ZNF512B: variants seen among roughly 807,000 people sequenced by gnomAD.
ZNF512B encodes zinc finger protein 512B.
Under a neutral mutation model 87.8 loss-of-function variants are expected in ZNF512B, and 22 were observed. The ratio of observed to expected loss-of-function variants is 0.25; its 90% CI spans 0.18 to 0.36. The LOEUF (loss-of-function observed/expected upper bound fraction) is 0.36, where lower values mean the gene tolerates loss of function less well. ZNF512B is among the 10% of genes least tolerant of loss of function. The pLI is 1.00. For synonymous variants in ZNF512B, 524 were observed against 490.9 expected (o/e 1.07, Z -0.89); for missense variants, 1,060 against 1,231.6 (o/e 0.86, Z 2.09).
At position 63,961,495 on chromosome 20, in the gene ZNF512B, A is replaced by C; in HGVS notation, c.2329-88T>G. On this transcript the variant is annotated intron_variant, in intron 15 of 16. Coordinates refer to ENST00000369888, the MANE Select transcript of ZNF512B (RefSeq NM_020713.3). The surrounding 1 kb of genome is among the most constrained non-coding windows in gnomAD (Gnocchi z 6.4). Reference sequence around the variant, plus strand: ...TACTCATGGCTAAAGGGTCAGAGTCAGCGGTGGCCCAAGGAAAGCTGTGGC... The same window carrying C: ...TACTCATGGCTAAAGGGTCAGAGTCCGCGGTGGCCCAAGGAAAGCTGTGGC... The C allele has an allele frequency of 7.8e-7, 1 of 1,280,486 alleles. No homozygotes were observed. The highest frequency in any genetic ancestry group is 1.1e-6 in the Non-Finnish European group (1 of 896,260). 79.3% of individuals were successfully genotyped at this position (1,280,486 alleles called of 1,614,324 possible).
At position 63,959,913 on chromosome 20, in the gene ZNF512B, C is replaced by T; in HGVS notation, c.2654G>A (p.Gly885Glu). 2 of 1,600,534 alleles carry T rather than the reference C, an allele frequency of 1.2e-6. No homozygotes were observed. Among genetic ancestry groups the T allele is most frequent in the Non-Finnish European group, 1.7e-6 (2 of 1,176,176 alleles). The change falls in exon 17 of 17, where the codon GGA becomes GAA. Residue 885 changes from glycine to glutamate, a missense_variant. Around this residue, in one of 9 missense-constraint regions of ZNF512B, gnomAD observed 253 missense variants for 259.2 expected, o/e 0.98. Coordinates refer to ENST00000369888, the MANE Select transcript of ZNF512B (RefSeq NM_020713.3). ...GARGSTGRKV[G>E]VSKAPEK ...TCACTTTTCAGGCGCCTTGCTGACT[C>T]CCACCTTCCGGCCGGTGGAGCCCCG...
intron 2 of ZNF512B, 85 bp downstream of exon 2, chr20:63,967,745 G>A (rs2058942751): frequency 6.4e-6 from 10 of 1,555,756 alleles, no homozygotes; most frequent in Non-Finnish European, 7.0e-6. Flanking sequence ...GGTACCTGGA[G>A]ACAGGACGCC....
chr20:63,962,078 A>AAAGAGCCTCAGAGATCCCCT, intron 14 of ZNF512B, 74 bp from the exon 15 acceptor site: 1 of 1,501,274 alleles, frequency 6.7e-7, no homozygotes, highest in Non-Finnish European at 9.1e-7. Flanking sequence ...GCCCTACCCC[A>AAAGAGCCTCAGAGATCCCCT]GGGGATCTCT....
chr20:63,957,682 G>C lies in ZNF512B; in HGVS notation c.*2206C>G, dbSNP rs1203692552. ...GGAAACTCACCCCCAGCAAAAACCAGACCCTCTTCTCTTCTCCCCAAGGGC... is the reference window on the plus strand; with the variant it reads ...GGAAACTCACCCCCAGCAAAAACCACACCCTCTTCTCTTCTCCCCAAGGGC... On this transcript the variant is annotated 3_prime_UTR_variant, in exon 17 of 17. Coordinates refer to ENST00000369888, the MANE Select transcript of ZNF512B (RefSeq NM_020713.3). 1 of 152,730 alleles carries C rather than the reference G, an allele frequency of 6.5e-6. No homozygotes were observed. The highest frequency in any genetic ancestry group is 1.5e-5 in the Non-Finnish European group (1 of 68,274). 9.5% of individuals were successfully genotyped at this position (152,730 alleles called of 1,614,324 possible).
In ZNF512B at chr20:63,967,397, G is replaced by A. The variant is rs555700576; in HGVS notation, c.248C>T (p.Ala83Val). 1.3e-5 allele frequency: 21 copies of A among 1,610,324 alleles called. No homozygotes were observed. Among genetic ancestry groups the A allele is most frequent in the Non-Finnish European group, 1.7e-5 (20 of 1,177,836 alleles). ...KKGRPKAENQ[A>V]LRDIPLSLMN... ...GGAGCTCACAGGAATGTCTCGGAGGGCCTGGTTCTCGGCTTTTGGCCGCCC... is the reference window on the plus strand; with the variant it reads ...GGAGCTCACAGGAATGTCTCGGAGGACCTGGTTCTCGGCTTTTGGCCGCCC... Residue 83 changes from alanine to valine, a missense_variant, in exon 3 of 17, where the codon GCC becomes GTC. By Grantham distance (64) the Ala-to-Val change is moderately conservative (BLOSUM62 0). Transcript: ENST00000369888.
At chr20:63,966,057 ACC>A in intron 5 of ZNF512B, 82 bp downstream of exon 5, 1 of 590,142 alleles carries the variant, frequency 1.7e-6, no homozygotes, top group Non-Finnish European at 2.3e-6. Context: ...ACCTTTTCTT[ACC>A]ACTGTTCCTC....
rs368804034 is a variant in ZNF512B at position 63,961,597 on chromosome 20, G to A, written c.2329-190C>T. Among the ~76,000 whole-genome samples the A allele has an allele frequency of 5.3e-5, 8 of 152,204 alleles. No homozygotes were observed. The highest frequency in any genetic ancestry group is 1.9e-4 in the African/African-American group (8 of 41,448). On this transcript the variant is annotated intron_variant, in intron 15 of 16. Transcript: ENST00000369888. This position sits in a 1 kb window ranked among gnomAD's most constrained non-coding sequence, Gnocchi z 6.4. The stretch of plus-strand genomic sequence containing the variant: ...TGGTAGGGGAGAGGAAGGGTAGGGA[G>A]AGGCAGGTGCCCAGGGGAAGAGTTG...
Position 63,956,732 on chromosome 20 carries a change from A to T in ZNF512B, c.*3156T>A, listed in dbSNP as rs2146862851. On this transcript the variant is annotated 3_prime_UTR_variant, in exon 17 of 17. Transcript: ENST00000369888. ...AAAAAAATCAATAAACATTTATTTG[A>T]TACAGTCATTTTAATACATACAGTG... 1 of 174,158 alleles carries T rather than the reference A, an allele frequency of 5.7e-6. No individual in the cohort carries two copies. The highest frequency in any genetic ancestry group is 1.2e-5 in the Non-Finnish European group (1 of 82,294). 10.8% of individuals were successfully genotyped at this position (174,158 alleles called of 1,614,324 possible). A position where few individuals can be genotyped will look rare whatever the true frequency, so the allele number is the denominator to read the frequency against.
rs139142804 is a variant in ZNF512B at position 63,966,218 on chromosome 20, C to T, written c.957G>A (p.Pro319=). 866 of 1,613,946 alleles carry T rather than the reference C, an allele frequency of 5.4e-4. 9 individuals carry two copies. In the East Asian group the frequency reaches 0.015, roughly 27 times the overall value. The change falls in exon 5 of 17, where the codon CCG becomes CCA. Residue 319 remains proline, a synonymous_variant. Transcript: ENST00000369888. ...TGGTCAGCAGCACCATTTTGCAGGG[C>T]GGTGTGTGTCTGCTGATAGCAATGG... is the stretch of plus-strand genomic sequence containing the variant. ...SRPIAISRHT[P]PCKMVLLTRS... is the part of the protein sequence containing the mutation.
chr20:63,962,696 G>A lies in ZNF512B; in HGVS notation c.2054C>T (p.Thr685Met), dbSNP rs765675899. Residue 685 changes from threonine (T) to methionine (M), a missense_variant, in exon 13 of 17, where the codon ACG becomes ATG. Transcript: ENST00000369888. Reference sequence around the variant, plus strand: ...GTGGAACACCGCCACCTGGGCCGACGTGCGGCGGACACGCCCGCTTGGGGT... The same window carrying A: ...GTGGAACACCGCCACCTGGGCCGACATGCGGCGGACACGCCCGCTTGGGGT... ...ERTPSGRVRR[T>M]SAQVAVFHLQ... The A allele has an allele frequency of 1.7e-5, 28 of 1,603,128 alleles. No individual in the cohort carries two copies. The highest frequency in any genetic ancestry group is 1.7e-4 in the Middle Eastern group (1 of 5,880).
Position 63,963,181 on chromosome 20 carries a change from G to T in ZNF512B, c.1882C>A (p.Pro628Thr). ...CGKPPCEVDS[P>T]SFPCTHCGKT... ...CCACAGTGGGTGCAGGGGAAGGAGG[G>T]GCTGTCCACCTCGCAGGGCGGCTTC... The change falls in exon 12 of 17, where the codon CCC becomes ACC. Residue 628 changes from proline to threonine, a missense_variant. Physicochemically the swap from Pro to Thr is conservative, Grantham distance 38. Around this residue, in one of 9 missense-constraint regions of ZNF512B, gnomAD observed 165 missense variants for 173.0 expected, o/e 0.95. Transcript: ENST00000369888. 1 of 1,548,370 alleles carries T rather than the reference G, an allele frequency of 6.5e-7. No individual in the cohort carries two copies.
chr20:63,963,919 G>T lies in ZNF512B; in HGVS notation c.1481-6C>A, dbSNP rs768683055. The T allele has an allele frequency of 4.4e-6, 7 of 1,608,720 alleles. No individual in the cohort carries two copies. Among genetic ancestry groups the T allele is most frequent in the Non-Finnish European group, 5.9e-6 (7 of 1,179,978 alleles). On this transcript the variant is annotated splice_polypyrimidine_tract_variant and splice_region_variant and intron_variant, in intron 8 of 16. Coordinates refer to ENST00000369888, the MANE Select transcript of ZNF512B (RefSeq NM_020713.3). Reference sequence around the variant, plus strand: ...CCACTGCTCTTCAGGGCCACCTGTGGGTAAGGCAGGGGCCTCGAAGGCTTG... The same window carrying T: ...CCACTGCTCTTCAGGGCCACCTGTGTGTAAGGCAGGGGCCTCGAAGGCTTG...
intron 14 of ZNF512B, 29 bp downstream of exon 14, chr20:63,962,244 A>G: frequency 6.3e-7 from 1 of 1,579,424 alleles, no homozygotes; most frequent in Non-Finnish European, 8.6e-7. Context: ...ATGGCTCCCC[A>G]CGCCCCCCAC....
chr20:63,964,182 G>A lies in ZNF512B; in HGVS notation c.1369C>T (p.Arg457Cys), dbSNP rs935756245. 14 of 1,597,982 alleles carry A rather than the reference G, an allele frequency of 8.8e-6. No homozygotes were observed. Among genetic ancestry groups the A allele is most frequent in the African/African-American group, 5.4e-5 (4 of 74,288 alleles). Reference sequence around the variant, plus strand: ...CCTGGCCCCTCCTGCTTCTTGGAGCGGTGAACTCGGGCCTTGTCCTCAGCT... The same window carrying A: ...CCTGGCCCCTCCTGCTTCTTGGAGCAGTGAACTCGGGCCTTGTCCTCAGCT... Reference protein sequence around the residue: ...VKAEDKARVHRSKKQEGPGPE... With the variant: ...VKAEDKARVHCSKKQEGPGPE... The change falls in exon 8 of 17, where the codon CGC becomes TGC. Residue 457 changes from arginine to cysteine, a missense_variant. Physicochemically the swap from Arg to Cys is radical, Grantham distance 180. Transcript: ENST00000369888.
At position 63,964,381 on chromosome 20, in the gene ZNF512B, C is replaced by T. The variant is rs2058896559; in HGVS notation, c.1272G>A (p.Gln424=). 2 of 1,613,736 alleles carry T rather than the reference C, an allele frequency of 1.2e-6. No homozygotes were observed. The highest frequency in any genetic ancestry group is 1.7e-6 in the Non-Finnish European group (2 of 1,179,904). The change falls in exon 7 of 17, where the codon CAG becomes CAA. Residue 424 remains glutamine (Q), a synonymous_variant. Transcript: ENST00000369888. ...CCCCTGTAAACTTTTTGGGTGTTTT[C>T]TGTTTCCTTCCTGACTCGGGGAGAG... is the stretch of plus-strand genomic sequence containing the variant. ...DPERTKHRRK[Q]KTPKKFTGEQ...
chr20:63,966,299 C>T lies in ZNF512B; in HGVS notation c.876G>A (p.Lys292=). 1 of 1,612,618 alleles carries T rather than the reference C, an allele frequency of 6.2e-7. No individual in the cohort carries two copies. ...VTVTKPVPVT[K]PVTVSRPIVV... is the part of the protein sequence containing the mutation. The stretch of plus-strand genomic sequence containing the variant: ...CAATGGGCCTGCTGACTGTCACTGG[C>T]TTGGTGACCGGCACGGGTTTCGTAA... The change falls in exon 5 of 17, where the codon AAG becomes AAA. Residue 292 remains lysine, a synonymous_variant. Transcript: ENST00000369888.
In ZNF512B at chr20:63,963,788, C is replaced by A; in HGVS notation, c.1605+1G>T. On this transcript the variant is annotated splice_donor_variant, in intron 9 of 16. Coordinates refer to ENST00000369888, the MANE Select transcript of ZNF512B (RefSeq NM_020713.3). LOFTEE classifies it high-confidence loss of function. The stretch of plus-strand genomic sequence containing the variant: ...CCAGCGCCTTCCGGGAGCTGCCTTA[C>A]CTTCTGACACACCTCCATGTGCTTC... 6.2e-7 allele frequency: 1 copy of A among 1,612,988 alleles called. No homozygotes were observed. The highest frequency in any genetic ancestry group is 8.5e-7 in the Non-Finnish European group (1 of 1,179,964).
In ZNF512B at chr20:63,961,228, A is replaced by AC; in HGVS notation, c.2427+80dup. ...CCCCATGCAGGCCACTGACCTCTCTACCCCCAAGGGGTGCCCAACCCCAGC... is the reference window on the plus strand; with the variant it reads ...CCCCATGCAGGCCACTGACCTCTCTACCCCCCAAGGGGTGCCCAACCCCAGC... On this transcript the variant is annotated intron_variant, in intron 16 of 16. Coordinates refer to ENST00000369888, the MANE Select transcript of ZNF512B (RefSeq NM_020713.3). This position sits in a 1 kb window ranked among gnomAD's most constrained non-coding sequence, Gnocchi z 6.4. The AC allele has an allele frequency of 3.7e-6, 5 of 1,342,022 alleles. No homozygotes were observed. The highest frequency in any genetic ancestry group is 5.3e-6 in the Non-Finnish European group (5 of 949,580). 83.1% of individuals were successfully genotyped at this position (1,342,022 alleles called of 1,614,324 possible). A position where few individuals can be genotyped will look rare whatever the true frequency, so the allele number is the denominator to read the frequency against.
chr20:63,962,848 G>T, intron 12 of ZNF512B, 67 bp from the exon 13 acceptor site: 2 of 1,457,234 alleles, frequency 1.4e-6, no homozygotes, highest in East Asian at 2.4e-5. Context: ...AGCGCGCGGC[G>T]AGGCCACCCT....
Sources: allele counts gnomAD v4.1 joint callset (sites outside exome capture counted in the v4.1 genomes callset), GRCh38; gene constraint gnomAD v4.1.1; regional missense constraint gnomAD v4.1.1; non-coding constraint Gnocchi (gnomAD v3.1); transcripts MANE v1.5; gene names NCBI Gene and HGNC (gene_info 2026-07-23, HGNC 2026-07-21).